POLN: variants seen among roughly 807,000 people sequenced by gnomAD.
POLN encodes DNA polymerase nu.
POLN carries 108 observed loss-of-function variants against 113.5 expected under a neutral mutation model. The observed-to-expected ratio is 0.95, with a 90% CI of 0.81 to 1.12. The LOEUF (loss-of-function observed/expected upper bound fraction) is 1.12, where lower values mean the gene tolerates loss of function less well. Among genes scored for constraint, POLN ranks in the 50% most tolerant of loss-of-function variants. The pLI is 0.00. For missense variants in POLN, 1,097 were observed against 1,077.1 expected (o/e 1.02, Z -0.26); for synonymous variants, 386 against 391.5 (o/e 0.99, Z 0.17).
chr4:2,240,849 C>A (rs755184912), intron 2 of POLN: 1 of 1,613,320 alleles, frequency 6.2e-7, no homozygotes, highest in Admixed American at 1.7e-5. Flanking sequence ...ATCTTCAACG[C>A]CCTCAAACAA....
intron 24 of POLN, among the ~76,000 whole-genome samples, chr4:2,074,750 C>T (rs1051352828): frequency 2.5e-4 from 38 of 152,126 alleles, no homozygotes; most frequent in African/African-American, 8.7e-4. Context: ...GAAGCTGCCC[C>T]GGCTGTTTAC....
chr4:2,116,434 A>G (rs182970832), intron 19 of POLN, among the ~76,000 whole-genome samples: 3 of 152,266 alleles, frequency 2.0e-5, no homozygotes, highest in Admixed American at 2.0e-4. Context: ...CTCTCTGAGA[A>G]GTTCAGAAAA....
chr4:2,167,161 CA>C (rs1235694136), intron 13 of POLN, among the ~76,000 whole-genome samples: 1 of 152,168 alleles, frequency 6.6e-6, no homozygotes, highest in African/African-American at 2.4e-5. Flanking sequence ...GGATGCCCAG[CA>C]GTGGGTCAGT....
At chr4:2,075,359 G>A (rs1046002750) in intron 24 of POLN, 93 bp downstream of exon 24, 8 of 1,367,014 alleles carry the variant, frequency 5.9e-6, no homozygotes, top group Non-Finnish European at 8.2e-6. Context: ...AGGGAAGACA[G>A]CTGAGGGGCT....
intron 14 of POLN, 109 bp from the exon 15 acceptor site, chr4:2,158,020 C>T (rs1732480826): frequency 8.6e-6 from 6 of 696,360 alleles, no homozygotes; most frequent in South Asian, 2.2e-5. Context: ...GGCGTGATCT[C>T]GGCTTGCCGC....
chr4:2,176,173 C>T (rs1732990362), intron 9 of POLN, 93 bp downstream of exon 9: 7 of 995,700 alleles, frequency 7.0e-6, no homozygotes, highest in Non-Finnish European at 1.1e-5. Context: ...GTTTCGTTTC[C>T]TTCACATTCA....
At chr4:2,091,654 C>G (rs1730664782) in intron 20 of POLN, among the ~76,000 whole-genome samples, 1 of 152,182 alleles carries the variant, frequency 6.6e-6, no homozygotes, top group African/African-American at 2.4e-5. Context: ...CCTGAGAGAT[C>G]TGCATGCTGG....
intron 23 of POLN, among the ~76,000 whole-genome samples, chr4:2,077,849 G>A (rs1287068935): frequency 6.6e-6 from 1 of 152,188 alleles, no homozygotes; most frequent in Non-Finnish European, 1.5e-5. Flanking sequence ...GAAGAAGGAC[G>A]TCTGTCGTCT....
intron 4 of POLN, 124 bp from the exon 5 acceptor site, chr4:2,208,611 G>C: frequency 1.3e-6 from 1 of 761,662 alleles, no homozygotes; most frequent in South Asian, 2.5e-5. Flanking sequence ...TATTACCTAT[G>C]ATCAAACCTT....
intron 13 of POLN, among the ~76,000 whole-genome samples, chr4:2,163,098 C>G (rs150277828): frequency 3.4e-5 from 5 of 146,378 alleles, no homozygotes; most frequent in African/African-American, 7.7e-5. Context: ...TATAAATCCA[C>G]TTGGGGGAGA....
chr4:2,228,938 C>T (rs1734478599), intron 3 of POLN, 161 bp downstream of exon 3: 11 of 559,390 alleles, frequency 2.0e-5, no homozygotes, highest in Admixed American at 3.4e-5. Context: ...TAAGGGAACA[C>T]GAAAGTTAGC....
chr4:2,208,807 T>C (rs1011889621), intron 4 of POLN, among the ~76,000 whole-genome samples: 1 of 152,078 alleles, frequency 6.6e-6, no homozygotes. Flanking sequence ...CTGGCCAACA[T>C]GGTGAAACTT....
At chr4:2,196,040 C>A (rs971188589) in intron 6 of POLN, among the ~76,000 whole-genome samples, 1 of 152,060 alleles carries the variant, frequency 6.6e-6, no homozygotes, top group Admixed American at 6.6e-5. Context: ...CTGGGACAAC[C>A]CAATTGCATC....
chr4:2,192,108 C>T, intron 7 of POLN, among the ~76,000 whole-genome samples: 1 of 119,588 alleles, frequency 8.4e-6, no homozygotes, highest in Non-Finnish European at 1.6e-5. Context: ...GAGCGAGACT[C>T]CATCTCAAAA....
At chr4:2,106,724 T>TGG (rs1444452794) in intron 19 of POLN, among the ~76,000 whole-genome samples, 2 of 152,226 alleles carry the variant, frequency 1.3e-5, no homozygotes, top group Non-Finnish European at 2.9e-5. Flanking sequence ...GGTCTTTTTA[T>TGG]GGACTTCATT....
intron 3 of POLN, among the ~76,000 whole-genome samples, chr4:2,218,550 ATC>A (rs1472753933): frequency 6.6e-6 from 1 of 152,164 alleles, no homozygotes; most frequent in East Asian, 1.9e-4. Context: ...GCCCCAGAAT[ATC>A]TGTGTGCTTA....
Position 2,242,117 on chromosome 4 carries a change from G to T in POLN, c.-350C>A. On this transcript the variant is annotated 5_prime_UTR_variant, in exon 1 of 26. Coordinates refer to ENST00000511885, the MANE Select transcript of POLN (RefSeq NM_181808.4). ...CCGCCCTCCGTGCCCCGCGCGCCTC[G>T]CACTGCCTCACGGGAGCGCCTGGAC... The T allele has an allele frequency of 1.0e-6, 1 of 985,820 alleles. No individual in the cohort carries two copies. Among genetic ancestry groups the T allele is most frequent in the Non-Finnish European group, 1.2e-6 (1 of 830,200 alleles). The allele number at this position is 985,820 out of a possible 1,614,324, so 61.1% of individuals were successfully genotyped here.
chr4:2,215,633 G>A (rs1172413219), intron 3 of POLN, among the ~76,000 whole-genome samples: 6 of 152,180 alleles, frequency 3.9e-5, no homozygotes, highest in Non-Finnish European at 8.8e-5. Flanking sequence ...TCAGGGAGGG[G>A]CTGTCCCAGG....
intron 3 of POLN, among the ~76,000 whole-genome samples, chr4:2,215,938 G>C (rs1734102885): frequency 1.3e-5 from 2 of 152,164 alleles, no homozygotes; most frequent in Admixed American, 1.3e-4. Flanking sequence ...TAGCTTACCT[G>C]ATCAGGTAAC....
Sources: gnomAD v4.1 joint callset for allele counts (sites outside exome capture counted in the v4.1 genomes callset) on GRCh38, gnomAD v4.1.1 for gene constraint, MANE v1.5 for transcripts, NCBI Gene and HGNC (gene_info 2026-07-23, HGNC 2026-07-21) for gene names.